Variants in MCM9 observed in about 807,000 individuals in gnomAD.
MCM9 encodes the protein minichromosome maintenance 9 homologous recombination repair factor.
A neutral mutation model predicts 72.8 loss-of-function variants in MCM9; 55 were observed. That is an observed-to-expected ratio of 0.76 (90% CI 0.61 to 0.95). The LOEUF is 0.95. MCM9 is among the 40% of genes least tolerant of loss of function. MCM9 has a pLI of 0.00. For missense variants in MCM9, 1,279 were observed against 1,377.0 expected, an observed-to-expected ratio of 0.93 and a Z score of 1.13; for synonymous variants, 480 against 503.4, an observed-to-expected ratio of 0.95 and a Z score of 0.62.
chr6:118,911,817 C>A, intron 7 of MCM9, 48 bp from the exon 8 acceptor site: 1 of 1,421,958 alleles, frequency 7.0e-7, no homozygotes, highest in Non-Finnish European at 9.8e-7. Flanking sequence ...TAAAAGGGTC[C>A]ATTTGGAATG....
intron 9 of MCM9, among the ~76,000 whole-genome samples, chr6:118,841,822 A>C (rs1434240295): frequency 1.3e-5 from 2 of 151,378 alleles, no homozygotes; most frequent in Non-Finnish European, 2.9e-5. Context: ...GAGCAAAACA[A>C]GAGCTATCTT....
At chr6:118,926,439 T>C (rs895854987) in intron 3 of MCM9, among the ~76,000 whole-genome samples, 1 of 152,204 alleles carries the variant, frequency 6.6e-6, no homozygotes, top group Non-Finnish European at 1.5e-5. Flanking sequence ...GAATAATTTA[T>C]GGGTGCTCAA....
At chr6:118,833,801 T>C (rs1011377199) in intron 9 of MCM9, among the ~76,000 whole-genome samples, 1 of 152,268 alleles carries the variant, frequency 6.6e-6, no homozygotes, top group African/African-American at 2.4e-5. Context: ...TGGGAGTTTT[T>C]TTAAACAGGT....
chr6:118,847,339 C>T lies in MCM9; in HGVS notation c.1325+9032G>A, dbSNP rs149204887. On this transcript the variant is annotated intron_variant, in intron 9 of 13. Coordinates refer to ENST00000619706, the MANE Select transcript of MCM9 (RefSeq NM_017696.3). The stretch of plus-strand genomic sequence containing the variant: ...GGGTTGAAAAACTACCTCCTGGGGA[C>T]TGTGTTCACTATTTGGGCGATGGGC... Among the ~76,000 whole-genome samples the T allele has an allele frequency of 4.0e-4, 59 of 147,428 alleles. No homozygotes were observed. In the East Asian group the frequency reaches 0.011, roughly 27 times the overall value.
intron 9 of MCM9, among the ~76,000 whole-genome samples, chr6:118,853,144 T>C (rs551796892): frequency 1.3e-5 from 2 of 152,324 alleles, no homozygotes; most frequent in South Asian, 4.1e-4. Context: ...TGGGAAAACA[T>C]ATGGATAGTC....
intron 1 of MCM9, chr6:118,934,312 G>A (rs948829880): frequency 7.4e-6 from 1 of 135,288 alleles, no homozygotes; most frequent in African/African-American, 2.9e-5. Flanking sequence ...GTTTTGAGAA[G>A]GGTCATTTCA....
intron 8 of MCM9, chr6:118,907,306 G>A (rs966722854): frequency 6.4e-6 from 5 of 785,738 alleles, no homozygotes; most frequent in Non-Finnish European, 1.0e-5. Flanking sequence ...AGCCCTTTAG[G>A]AGTACTAACA....
chr6:118,872,798 T>C (rs1243173891), intron 8 of MCM9, among the ~76,000 whole-genome samples: 1 of 151,808 alleles, frequency 6.6e-6, no homozygotes, highest in African/African-American at 2.4e-5. Flanking sequence ...GTTCTCATCT[T>C]AGGGAAAAAA....
chr6:118,843,323 A>G (rs1775522724), intron 9 of MCM9, among the ~76,000 whole-genome samples: 1 of 151,398 alleles, frequency 6.6e-6, no homozygotes, highest in Non-Finnish European at 1.5e-5. Context: ...CATATAAGTG[A>G]CACATTAAAA....
Position 118,845,275 on chromosome 6 carries a change from C to T in MCM9, c.1325+11096G>A, listed in dbSNP as rs988570804. Among the ~76,000 whole-genome samples the T allele has an allele frequency of 2.0e-4, 31 of 151,798 alleles. 1 individual carries two copies. Among genetic ancestry groups the T allele is most frequent in the African/African-American group, 7.1e-4 (29 of 41,098 alleles). ...GAATAAACTTCTGATGCTGTGGTGG[C>T]GATGAGATAATACAGCTGCTAATAT... On this transcript the variant is annotated intron_variant, in intron 9 of 13. Transcript: ENST00000619706.
chr6:118,831,364 TG>T (rs1774544679), intron 9 of MCM9, among the ~76,000 whole-genome samples: 1 of 141,402 alleles, frequency 7.1e-6, no homozygotes, highest in African/African-American at 2.6e-5. Context: ...AAAAAAAAGT[TG>T]GGGGTGGGGA....
intron 9 of MCM9, among the ~76,000 whole-genome samples, chr6:118,832,068 AT>A (rs1317963704): frequency 6.6e-6 from 1 of 151,910 alleles, no homozygotes; most frequent in Non-Finnish European, 1.5e-5. Flanking sequence ...TGCCTTACTT[AT>A]TTTTTTTAAA....
At position 118,917,691 on chromosome 6, in the gene MCM9, T is replaced by C. The variant is rs114858128; in HGVS notation, c.774A>G (p.Glu258=). 2.5e-6 allele frequency: 4 copies of C among 1,614,160 alleles called. No individual in the cohort carries two copies. The highest frequency in any genetic ancestry group is 2.2e-5 in the South Asian group (2 of 91,086). ...AATTTGCTTTCAGGACTATCTCCAC[T>C]TCACAGCGCACATCTTGCTGAAAGG... ...WKPFQQDVRC[E]VEIVLKANYI... The change falls in exon 6 of 14, where the codon GAA becomes GAG. Residue 258 remains glutamate (E), a synonymous_variant. Coordinates refer to ENST00000619706, the MANE Select transcript of MCM9 (RefSeq NM_017696.3).
At chr6:118,826,942 C>T (rs1774206933) in intron 11 of MCM9, 78 bp from the exon 12 acceptor site, 12 of 1,149,988 alleles carry the variant, frequency 1.0e-5, no homozygotes, top group Admixed American at 2.3e-5. Flanking sequence ...TCCTCCTCAC[C>T]ATTTGTATTT....
intron 9 of MCM9, among the ~76,000 whole-genome samples, chr6:118,834,994 G>T (rs776158656): frequency 6.6e-6 from 1 of 152,046 alleles, no homozygotes. Flanking sequence ...TAGGTCTTAC[G>T]TTTAAGCCTT....
At chr6:118,834,384 G>C (rs1774805644) in intron 9 of MCM9, among the ~76,000 whole-genome samples, 1 of 152,170 alleles carries the variant, frequency 6.6e-6, no homozygotes, top group Non-Finnish European at 1.5e-5. Flanking sequence ...CCAGTAATGG[G>C]ATTACTGGGT....
chr6:118,912,984 G>T, intron 7 of MCM9: 1 of 222,186 alleles, frequency 4.5e-6, no homozygotes, highest in Non-Finnish European at 8.8e-6. Context: ...TTTTCCTTTT[G>T]AAAACAGACC....
chr6:118,885,163 T>A (rs1778523119), intron 8 of MCM9, among the ~76,000 whole-genome samples: 1 of 151,956 alleles, frequency 6.6e-6, no homozygotes, highest in Admixed American at 6.6e-5. Flanking sequence ...GCCGCTGCAC[T>A]CCAGCATGGG....
At chr6:118,841,221 T>C (rs531632407) in intron 9 of MCM9, among the ~76,000 whole-genome samples, 2 of 152,156 alleles carry the variant, frequency 1.3e-5, no homozygotes, top group African/African-American at 2.4e-5. Context: ...AAGTACATGG[T>C]TTGAACTTAT....
Sources: gnomAD v4.1 joint callset for allele counts (sites outside exome capture counted in the v4.1 genomes callset) on GRCh38, gnomAD v4.1.1 for gene constraint, MANE v1.5 for transcripts, NCBI Gene and HGNC (gene_info 2026-07-23, HGNC 2026-07-21) for gene names.